USP45: variants seen among roughly 807,000 people sequenced by gnomAD.
The protein encoded by USP45 is ubiquitin specific peptidase 45.
USP45 carries 89 observed loss-of-function variants against 95.8 expected under a neutral mutation model. That is an observed-to-expected ratio of 0.93 (90% CI 0.78 to 1.11). The LOEUF (loss-of-function observed/expected upper bound fraction) is 1.11. Ranked by LOEUF, USP45 falls within the 50% of genes least tolerant of loss-of-function variation. The pLI, the probability that USP45 is intolerant of heterozygous loss-of-function variation, is 0.00. For missense variants in USP45, 898 were observed against 942.5 expected, an observed-to-expected ratio of 0.95 and a Z score of 0.62; for synonymous variants, 281 against 316.2, an observed-to-expected ratio of 0.89 and a Z score of 1.18.
In USP45 at chr6:99,465,150, C is replaced by T. The variant is rs767562070; in HGVS notation, c.1108-14G>A. Reference sequence around the variant, plus strand: ...CACCGTGGAGATCTTAAAAGGAAAACACATTGAAAACTTCAGTTAGAATTC... The same window carrying T: ...CACCGTGGAGATCTTAAAAGGAAAATACATTGAAAACTTCAGTTAGAATTC... On this transcript the variant is annotated splice_polypyrimidine_tract_variant and intron_variant, in intron 11 of 17. Transcript: ENST00000500704. The T allele has an allele frequency of 6.4e-7, 1 of 1,574,524 alleles. No individual in the cohort carries two copies. Among genetic ancestry groups the T allele is most frequent in the Non-Finnish European group, 8.6e-7 (1 of 1,157,070 alleles).
intron 5 of USP45, among the ~76,000 whole-genome samples, chr6:99,494,138 G>T (rs997162623): frequency 6.6e-6 from 1 of 151,860 alleles, no homozygotes; most frequent in Non-Finnish European, 1.5e-5. Flanking sequence ...AAAGTTTCCA[G>T]GCTAGGTTAT....
intron 8 of USP45, 141 bp downstream of exon 8, chr6:99,482,612 G>A (rs1048844106): frequency 1.5e-5 from 11 of 727,552 alleles, no homozygotes; most frequent in Non-Finnish European, 2.1e-5. Flanking sequence ...ATAAAGCATA[G>A]AGCTGTAACA....
chr6:99,493,574 T>C (rs1181686733), intron 5 of USP45, among the ~76,000 whole-genome samples: 1 of 152,186 alleles, frequency 6.6e-6, no homozygotes, highest in African/African-American at 2.4e-5. Context: ...CTCGGCTCAC[T>C]GCAACCTCCA....
intron 9 of USP45, among the ~76,000 whole-genome samples, chr6:99,475,317 CTT>C (rs34747235): frequency 0.22 from 27,527 of 124,800 alleles, 3,085 homozygotes; most frequent in East Asian, 0.42. Context: ...CTTAAGATTC[CTT>C]TTTTTTTTTT....
At chr6:99,492,472 C>T (rs1795390910) in intron 5 of USP45, among the ~76,000 whole-genome samples, 1 of 151,940 alleles carries the variant, frequency 6.6e-6, no homozygotes, top group Non-Finnish European at 1.5e-5. Context: ...CGCTATCAAA[C>T]AGATAATTTA....
At chr6:99,511,843 GTGTATATATA>G (rs1377201438) in intron 1 of USP45, among the ~76,000 whole-genome samples, 28 of 4,986 alleles carry the variant, frequency 5.6e-3, no homozygotes, top group East Asian at 0.05. Context: ...ATGTGAGTGT[GTGTATATATA>G]TATATATATA....
chr6:99,454,913 C>G (rs1784673625), intron 13 of USP45, among the ~76,000 whole-genome samples: 1 of 151,588 alleles, frequency 6.6e-6, no homozygotes, highest in South Asian at 2.1e-4. Context: ...ATGGTGAAAA[C>G]CCTGTCTCTA....
At chr6:99,444,382 C>T (rs778918096) in intron 14 of USP45, among the ~76,000 whole-genome samples, 5 of 152,098 alleles carry the variant, frequency 3.3e-5, no homozygotes, top group Non-Finnish European at 7.4e-5. Flanking sequence ...GGTATTTCTT[C>T]CTTCTCCCAT....
chr6:99,461,625 T>G (rs1786489830), intron 13 of USP45: 1 of 984,072 alleles, frequency 1.0e-6, no homozygotes, highest in Admixed American at 6.2e-5. Context: ...ACTATTTTTA[T>G]GTAATTATTT....
chr6:99,439,890 A>G, intron 15 of USP45, 35 bp from the exon 16 acceptor site: 4 of 1,516,946 alleles, frequency 2.6e-6, no homozygotes, highest in East Asian at 2.3e-5. Flanking sequence ...AAATGCAACA[A>G]TTAGAAATAA....
At position 99,487,752 on chromosome 6, in the gene USP45, G is replaced by A. The variant is rs376728761; in HGVS notation, c.714+448C>T. Reference sequence around the variant, plus strand: ...GGAGCTTGCAGTGAGCTGAGATCGCGCCACTGCACTCCAGCCTGCACTCCA... The same window carrying A: ...GGAGCTTGCAGTGAGCTGAGATCGCACCACTGCACTCCAGCCTGCACTCCA... On this transcript the variant is annotated intron_variant, in intron 7 of 17. Transcript: ENST00000500704. Among the ~76,000 whole-genome samples, 22 of 151,350 alleles carry A rather than the reference G, an allele frequency of 1.5e-4. No homozygotes were observed. In the East Asian group the frequency reaches 3.3e-3, roughly 23 times the overall value.
rs1400301491 is a variant in USP45 at position 99,476,225 on chromosome 6, G to A, written c.851C>T (p.Pro284Leu). 1 of 1,613,576 alleles carries A rather than the reference G, an allele frequency of 6.2e-7. No individual in the cohort carries two copies. Among genetic ancestry groups the A allele is most frequent in the Middle Eastern group, 1.7e-4 (1 of 6,056 alleles). ...VLFNQLCQKA[P>L]RFKDFQQQDS... The stretch of plus-strand genomic sequence containing the variant: ...CTGTTGCTGGAAATCTTTAAATCGA[G>A]GTGCCCTGTGATTTAAAAACAAAAG... The change falls in exon 9 of 18, where the codon CCT (proline) becomes CTT (leucine). Residue 284 changes from proline (P) to leucine (L), a missense_variant. Transcript: ENST00000500704.
At chr6:99,463,594 A>G (rs1399439995) in intron 13 of USP45, among the ~76,000 whole-genome samples, 1 of 151,884 alleles carries the variant, frequency 6.6e-6, no homozygotes, top group African/African-American at 2.4e-5. Context: ...CGGGTGGATC[A>G]TGAGGTCAGG....
intron 12 of USP45, 148 bp downstream of exon 12, chr6:99,464,932 C>G: frequency 1.1e-6 from 1 of 942,656 alleles, no homozygotes; most frequent in East Asian, 2.7e-5. Context: ...TTACACAAAC[C>G]CCCAAATCAG....
chr6:99,450,996 A>G (rs1243322904), intron 13 of USP45, among the ~76,000 whole-genome samples: 1 of 152,216 alleles, frequency 6.6e-6, no homozygotes, highest in Non-Finnish European at 1.5e-5. Flanking sequence ...CCTTAATGCT[A>G]AAAACTCTCA....
intron 15 of USP45, among the ~76,000 whole-genome samples, chr6:99,441,529 T>G (rs574855355): frequency 1.2e-4 from 18 of 149,130 alleles, no homozygotes; most frequent in Admixed American, 1.2e-3. Context: ...CGAAACTCCA[T>G]CTCCAAAAAA....
At chr6:99,506,440 C>A (rs981126621) in intron 4 of USP45, among the ~76,000 whole-genome samples, 3 of 152,196 alleles carry the variant, frequency 2.0e-5, no homozygotes. Flanking sequence ...TCCTGAGCAG[C>A]TGGGACTACA....
chr6:99,507,616 A>G, intron 3 of USP45, 85 bp from the exon 4 acceptor site: 1 of 897,990 alleles, frequency 1.1e-6, no homozygotes, highest in East Asian at 2.6e-5. Flanking sequence ...TCACACTTAT[A>G]CTGAAAAGTT....
chr6:99,501,903 A>C (rs1797442694), intron 5 of USP45: 1 of 1,275,208 alleles, frequency 7.8e-7, no homozygotes. Context: ...TCTGTTATTC[A>C]TGATGGGTCC....
Sources: gnomAD v4.1 joint callset for allele counts (sites outside exome capture counted in the v4.1 genomes callset) on GRCh38, gnomAD v4.1.1 for gene constraint, MANE v1.5 for transcripts, NCBI Gene and HGNC (gene_info 2026-07-23, HGNC 2026-07-21) for gene names.